Variants in DMBT1 observed in about 807,000 individuals in gnomAD.
DMBT1 encodes scavenger receptor cysteine-rich domain-containing protein DMBT1.
DMBT1 carries 198 observed loss-of-function variants against 252.9 expected under a neutral mutation model. That is an observed-to-expected ratio of 0.78 (90% CI 0.70 to 0.88). DMBT1 has a LOEUF of 0.88. Among genes scored for constraint, DMBT1 ranks in the 40% least tolerant of loss-of-function variants. The pLI is 0.00. For synonymous variants in DMBT1, 990 were observed against 942.7 expected (o/e 1.05, Z -0.92); for missense variants, 2,432 against 2,404.7 (o/e 1.01, Z -0.24).
intron 44 of DMBT1, among the ~76,000 whole-genome samples, chr10:122,623,834 T>C (rs976449820): frequency 2.0e-5 from 3 of 152,160 alleles, no homozygotes; most frequent in African/African-American, 7.2e-5. Flanking sequence ...TGGCCCAGTG[T>C]TGTGTCTAGC....
At chr10:122,634,433 TCTCTC>T (rs2098203149) in intron 52 of DMBT1, among the ~76,000 whole-genome samples, 1 of 30,806 alleles carries the variant, frequency 3.2e-5, no homozygotes. Flanking sequence ...CTCTCTCTTC[TCTCTC>T]TCTCTCTCTC....
chr10:122,576,399 G>A lies in DMBT1; in HGVS notation c.284G>A (p.Gly95Glu), dbSNP rs1428450401. The A allele has an allele frequency of 6.2e-7, 1 of 1,613,494 alleles. No homozygotes were observed. The highest frequency in any genetic ancestry group is 2.2e-5 in the East Asian group (1 of 44,890). ...AGAGAAATTCTGTGCCTTCCTCTAG[G>A]ATCTGATTCTGGTTTGGCCCTGAGG... ...ESTLESTVAE[G>E]SDSGLALRLV... The change falls in exon 7 of 56, where the codon GGA becomes GAA. Residue 95 changes from glycine to glutamate, a missense_variant and splice_region_variant. Gly to Glu is a moderately conservative substitution (Grantham distance 98). Coordinates refer to ENST00000338354, the MANE Select transcript of DMBT1 (RefSeq NM_001377530.1).
At chr10:122,629,097 G>A (rs2098139051) in intron 46 of DMBT1, among the ~76,000 whole-genome samples, 1 of 152,174 alleles carries the variant, frequency 6.6e-6, no homozygotes, top group African/African-American at 2.4e-5. Flanking sequence ...ATCCTTTTCT[G>A]ATAAATAACA....
At chr10:122,578,244 C>G (rs563003191) in intron 8 of DMBT1, among the ~76,000 whole-genome samples, 1 of 152,274 alleles carries the variant, frequency 6.6e-6, no homozygotes, top group Admixed American at 6.5e-5. Context: ...CTTGAAAAAC[C>G]CCCAGATTCT....
chr10:122,599,554 G>A (rs1404371537), intron 26 of DMBT1, among the ~76,000 whole-genome samples: 1 of 152,212 alleles, frequency 6.6e-6, no homozygotes, highest in East Asian at 1.9e-4. Context: ...AGGGTTAGGA[G>A]TGCAAATGGG....
chr10:122,587,362 C>A (rs540383205), intron 16 of DMBT1, among the ~76,000 whole-genome samples: 1 of 148,620 alleles, frequency 6.7e-6, no homozygotes, highest in Admixed American at 6.7e-5. Flanking sequence ...CTGTCCATAT[C>A]TGACCTGGGT....
chr10:122,562,149 C>G (rs79440998), intron 1 of DMBT1, among the ~76,000 whole-genome samples: 2,265 of 151,968 alleles, frequency 0.015, 77 homozygotes, highest in East Asian at 0.13. Flanking sequence ...TTCTTTCTCT[C>G]CCTCTCTTTA....
Position 122,619,348 on chromosome 10 carries a change from A to G in DMBT1, c.5245+11A>G. The G allele has an allele frequency of 2.5e-6, 4 of 1,613,956 alleles. No individual in the cohort carries two copies. The highest frequency in any genetic ancestry group is 2.2e-5 in the South Asian group (2 of 91,084). On this transcript the variant is annotated intron_variant, in intron 42 of 55. Coordinates refer to ENST00000338354, the MANE Select transcript of DMBT1 (RefSeq NM_001377530.1). Reference sequence around the variant, plus strand: ...CAACGCCCAGGCCAGGTGAGTCCCCAGCATCCTTCATCGGGATGTCCCTTC... The same window carrying G: ...CAACGCCCAGGCCAGGTGAGTCCCCGGCATCCTTCATCGGGATGTCCCTTC...
chr10:122,579,435 G>A, intron 9 of DMBT1, 143 bp from the exon 10 acceptor site: 2 of 1,522,496 alleles, frequency 1.3e-6, no homozygotes, highest in Non-Finnish European at 1.8e-6. Context: ...TCACGGTGAT[G>A]AAGCCTAGTC....
intron 3 of DMBT1, among the ~76,000 whole-genome samples, chr10:122,570,484 A>G (rs907815917): frequency 1.3e-5 from 2 of 152,198 alleles, no homozygotes; most frequent in African/African-American, 4.8e-5. Context: ...TTTCAAAACC[A>G]TCTTTCTTTC....
chr10:122,585,980 C>T lies in DMBT1; in HGVS notation c.1460-80C>T, dbSNP rs942580218. On this transcript the variant is annotated intron_variant, in intron 15 of 55. Transcript: ENST00000338354. ...GCCCAGGTGACTTTAGCCATTAGGA[C>T]GTGCCTTGAGTGTGGAACATTCCTT... 3.5e-5 allele frequency: 55 copies of T among 1,573,722 alleles called. 5 individuals are homozygous for T. The highest frequency in any genetic ancestry group is 9.4e-5 in the African/African-American group (7 of 74,328).
At chr10:122,575,497 C>T (rs1409624957) in intron 6 of DMBT1, among the ~76,000 whole-genome samples, 2 of 151,850 alleles carry the variant, frequency 1.3e-5, no homozygotes, top group Non-Finnish European at 2.9e-5. Flanking sequence ...CAGAGGAGAC[C>T]TAACTTTATA....
intron 17 of DMBT1, among the ~76,000 whole-genome samples, chr10:122,589,644 G>A (rs1364757172): frequency 6.7e-6 from 1 of 148,506 alleles, no homozygotes; most frequent in Non-Finnish European, 1.5e-5. Context: ...TAGGAGCGTG[G>A]TATCTGCTTG....
intron 41 of DMBT1, among the ~76,000 whole-genome samples, chr10:122,618,879 G>A (rs142874060): frequency 6.6e-6 from 1 of 152,256 alleles, no homozygotes; most frequent in Non-Finnish European, 1.5e-5. Context: ...ATGCTGCAGA[G>A]CACTGCCTGT....
chr10:122,622,504 CTT>C (rs1235056686), intron 44 of DMBT1, among the ~76,000 whole-genome samples: 1 of 152,204 alleles, frequency 6.6e-6, no homozygotes, highest in African/African-American at 2.4e-5. Context: ...TACATCTACT[CTT>C]TTATCTGTGT....
chr10:122,600,241 C>G (rs1028368927), intron 27 of DMBT1, 148 bp downstream of exon 27: 2 of 1,242,214 alleles, frequency 1.6e-6, no homozygotes, highest in South Asian at 3.1e-5. Context: ...AACTGAGACC[C>G]CAGCACAGCG....
Position 122,592,852 on chromosome 10 carries a change from C to T in DMBT1, c.2500+257C>T, listed in dbSNP as rs572213300. Among the ~76,000 whole-genome samples the T allele has an allele frequency of 1.0e-4, 15 of 148,280 alleles. 1 individual carries two copies. Among genetic ancestry groups the T allele is most frequent in the African/African-American group, 1.9e-4 (8 of 41,044 alleles). On this transcript the variant is annotated intron_variant, in intron 20 of 55. Coordinates refer to ENST00000338354, the MANE Select transcript of DMBT1 (RefSeq NM_001377530.1). ...TCCTGAGGCAGTGCAAGAAAGAGGCCGAAGAGAAAACTGCTGGCTCCCCAG... is the reference window on the plus strand; with the variant it reads ...TCCTGAGGCAGTGCAAGAAAGAGGCTGAAGAGAAAACTGCTGGCTCCCCAG...
rs768261055 is a variant in DMBT1 at position 122,585,274 on chromosome 10, C to G, written c.1424C>G (p.Thr475Arg). ...AHSWSTPSPD[T>R]LPTITLPAST... Reference sequence around the variant, plus strand: ...TTTGTCTCTGTTGCAATTACAGACACGTTGCCGACCATCACCTTACCTGCA... The same window carrying G: ...TTTGTCTCTGTTGCAATTACAGACAGGTTGCCGACCATCACCTTACCTGCA... Residue 475 changes from threonine to arginine, a missense_variant, in exon 15 of 56, where the codon ACG (threonine) becomes AGG (arginine). Around this residue, in one of 3 missense-constraint regions of DMBT1, gnomAD observed 1,264 missense variants for 1,082.2 expected, o/e 1.17. Transcript: ENST00000338354. 22 of 1,586,576 alleles carry G rather than the reference C, an allele frequency of 1.4e-5. 4 individuals are homozygous for G. Among genetic ancestry groups the G allele is most frequent in the African/African-American group, 4.0e-5 (3 of 74,466 alleles).
Position 122,587,782 on chromosome 10 carries a change from C to T in DMBT1, c.1784-1162C>T, listed in dbSNP as rs1445375374. ...GACTTTATACTCCTTTGGGCAGCTCCCTGATCCTTCTAACATTTTAGCTGT... is the reference window on the plus strand; with the variant it reads ...GACTTTATACTCCTTTGGGCAGCTCTCTGATCCTTCTAACATTTTAGCTGT... On this transcript the variant is annotated intron_variant, in intron 16 of 55. Coordinates refer to ENST00000338354, the MANE Select transcript of DMBT1 (RefSeq NM_001377530.1). 1.3e-5 allele frequency among the ~76,000 whole-genome samples: 2 copies of T among 148,646 alleles called. 1 individual carries two copies. The highest frequency in any genetic ancestry group is 4.1e-4 in the East Asian group (2 of 4,842).
Sources: gnomAD v4.1 joint callset for allele counts (sites outside exome capture counted in the v4.1 genomes callset) on GRCh38, gnomAD v4.1.1 for gene constraint, gnomAD v4.1.1 regional missense constraint, MANE v1.5 for transcripts, NCBI Gene and HGNC (gene_info 2026-07-23, HGNC 2026-07-21) for gene names.